PDGFC: variants seen among roughly 807,000 people sequenced by gnomAD.
PDGFC encodes platelet-derived growth factor C.
In PDGFC, 12 loss-of-function variants were observed where a neutral mutation model predicts 35.5. That is an observed-to-expected ratio of 0.34 (90% CI 0.22 to 0.55). The LOEUF (loss-of-function observed/expected upper bound fraction) is 0.55. PDGFC is among the 20% of genes least tolerant of loss of function. The pLI is 0.91. For missense variants in PDGFC, 322 were observed against 412.4 expected, an observed-to-expected ratio of 0.78 and a Z score of 1.90; for synonymous variants, 159 against 148.8, an observed-to-expected ratio of 1.07 and a Z score of -0.50.
intron 2 of PDGFC, among the ~76,000 whole-genome samples, chr4:156,819,213 G>T (rs1732179296): frequency 1.3e-5 from 2 of 152,128 alleles, no homozygotes; most frequent in African/African-American, 4.8e-5. Context: ...TTATCCAGAA[G>T]ATCAACTAAG....
At chr4:156,787,545 T>C (rs971820017) in intron 3 of PDGFC, among the ~76,000 whole-genome samples, 1 of 152,126 alleles carries the variant, frequency 6.6e-6, no homozygotes. Flanking sequence ...GCGTGGTAGC[T>C]GGATGACGAT....
intron 1 of PDGFC, among the ~76,000 whole-genome samples, chr4:156,902,508 C>G (rs1730813836): frequency 6.6e-6 from 1 of 152,104 alleles, no homozygotes; most frequent in Non-Finnish European, 1.5e-5. Flanking sequence ...AAACAATATA[C>G]CTTATTGCTT....
chr4:156,925,165 C>T (rs1001726840), intron 1 of PDGFC, among the ~76,000 whole-genome samples: 1 of 152,118 alleles, frequency 6.6e-6, no homozygotes, highest in African/African-American at 2.4e-5. Flanking sequence ...TGTCAGTTGG[C>T]CAAAACTGTA....
intron 1 of PDGFC, among the ~76,000 whole-genome samples, chr4:156,951,040 T>C (rs1489766888): frequency 5.3e-5 from 8 of 151,896 alleles, no homozygotes. Context: ...TCACTGTATT[T>C]TTATCTCCAG....
chr4:156,783,245 G>T (rs1390398514), intron 3 of PDGFC, among the ~76,000 whole-genome samples: 1 of 152,142 alleles, frequency 6.6e-6, no homozygotes. Context: ...ATGAATTGGG[G>T]TCTGATTGGG....
intron 1 of PDGFC, among the ~76,000 whole-genome samples, chr4:156,944,199 A>G (rs1018689846): frequency 2.6e-5 from 4 of 152,170 alleles, no homozygotes; most frequent in African/African-American, 9.6e-5. Context: ...GATTAATGCT[A>G]GTAATTTCAC....
chr4:156,940,600 C>A (rs1031151526), intron 1 of PDGFC, among the ~76,000 whole-genome samples: 1 of 152,084 alleles, frequency 6.6e-6, no homozygotes, highest in Non-Finnish European at 1.5e-5. Flanking sequence ...CTGATCGATA[C>A]CCAATGTCTA....
At chr4:156,789,512 A>C (rs2110875386) in intron 3 of PDGFC, among the ~76,000 whole-genome samples, 1 of 152,332 alleles carries the variant, frequency 6.6e-6, no homozygotes, top group South Asian at 2.1e-4. Flanking sequence ...TTTTCTCAAG[A>C]TCTGCACGTG....
chr4:156,804,892 T>G (rs2110926435), intron 3 of PDGFC, among the ~76,000 whole-genome samples: 1 of 152,094 alleles, frequency 6.6e-6, no homozygotes, highest in South Asian at 2.1e-4. Flanking sequence ...AACCTCAAGG[T>G]TTCAATTAAT....
chr4:156,909,856 T>C (rs1730998875), intron 1 of PDGFC, among the ~76,000 whole-genome samples: 1 of 152,172 alleles, frequency 6.6e-6, no homozygotes, highest in Non-Finnish European at 1.5e-5. Flanking sequence ...TAAGAGCATC[T>C]TGGATTTACA....
chr4:156,871,570 A>G (rs528390941), intron 1 of PDGFC, among the ~76,000 whole-genome samples: 1 of 152,294 alleles, frequency 6.6e-6, no homozygotes, highest in Middle Eastern at 3.4e-3. Flanking sequence ...CTCAATATGT[A>G]CATATTTTTA....
chr4:156,897,578 A>C (rs1730665428), intron 1 of PDGFC, among the ~76,000 whole-genome samples: 1 of 152,122 alleles, frequency 6.6e-6, no homozygotes, highest in Non-Finnish European at 1.5e-5. Flanking sequence ...TTTTTTCTAC[A>C]TTAAAAATGA....
chr4:156,822,498 T>C (rs1215696827), intron 2 of PDGFC, among the ~76,000 whole-genome samples: 2 of 152,106 alleles, frequency 1.3e-5, no homozygotes, highest in East Asian at 1.9e-4. Flanking sequence ...GAATTTATTT[T>C]TATCAAAATC....
intron 1 of PDGFC, among the ~76,000 whole-genome samples, chr4:156,889,811 G>A (rs1730460863): frequency 6.6e-6 from 1 of 152,236 alleles, no homozygotes; most frequent in Admixed American, 6.5e-5. Flanking sequence ...TCCATGAATG[G>A]AATCTAGTGC....
chr4:156,848,013 G>GAA (rs1173093401), intron 2 of PDGFC, among the ~76,000 whole-genome samples: 1 of 151,630 alleles, frequency 6.6e-6, no homozygotes, highest in Non-Finnish European at 1.5e-5. Flanking sequence ...ATACCCTCCT[G>GAA]AAAAACCTCA....
chr4:156,943,210 G>A (rs1287022106), intron 1 of PDGFC, among the ~76,000 whole-genome samples: 4 of 152,096 alleles, frequency 2.6e-5, no homozygotes, highest in South Asian at 4.1e-4. Flanking sequence ...CAGAAATGAC[G>A]CAAATACAGC....
chr4:156,916,014 T>A (rs79487809), intron 1 of PDGFC, among the ~76,000 whole-genome samples: 2 of 152,038 alleles, frequency 1.3e-5, no homozygotes, highest in African/African-American at 4.8e-5. Flanking sequence ...AAAAAACTGA[T>A]CACCCCAAAC....
chr4:156,885,156 TACACAC>T (rs36049782), intron 1 of PDGFC, among the ~76,000 whole-genome samples: 6 of 126,982 alleles, frequency 4.7e-5, no homozygotes, highest in Admixed American at 3.8e-4. Context: ...TGTGCATACA[TACACAC>T]ACACACACAC....
intron 1 of PDGFC, among the ~76,000 whole-genome samples, chr4:156,865,387 T>TATA (rs1388071736): frequency 4.6e-5 from 7 of 152,188 alleles, no homozygotes; most frequent in African/African-American, 1.7e-4. Flanking sequence ...TAAAAATTAT[T>TATA]AACTTTTCTG....
Sources: allele counts gnomAD v4.1 joint callset (sites outside exome capture counted in the v4.1 genomes callset), GRCh38; gene constraint gnomAD v4.1.1; transcripts MANE v1.5; gene names NCBI Gene and HGNC (gene_info 2026-07-23, HGNC 2026-07-21).